YLPM1: variants seen among roughly 807,000 people sequenced by gnomAD.
YLPM1 encodes YLP motif containing 1, also known as YLP motif-containing protein 1.
A neutral mutation model predicts 230.0 loss-of-function variants in YLPM1; 99 were observed. The ratio of observed to expected loss-of-function variants is 0.43; its 90% CI spans 0.37 to 0.51. The LOEUF (loss-of-function observed/expected upper bound fraction) is 0.51. YLPM1 is among the 20% of genes least tolerant of loss of function. The pLI is 0.00. For synonymous variants in YLPM1, 984 were observed against 942.5 expected, an observed-to-expected ratio of 1.04 and a Z score of -0.81; for missense variants, 2,592 against 2,707.7, an observed-to-expected ratio of 0.96 and a Z score of 0.95.
At position 74,798,917 on chromosome 14, in the gene YLPM1, A is replaced by T. The variant is rs1387884317; in HGVS notation, c.3620A>T (p.Asp1207Val). The T allele has an allele frequency of 1.9e-5, 31 of 1,613,784 alleles. No individual in the cohort carries two copies. The highest frequency in any genetic ancestry group is 2.6e-5 in the Non-Finnish European group (31 of 1,179,862). ...EERGHEEFPL[D>V]GRNAPMERER... ...CGAGGGCATGAAGAGTTTCCATTAG[A>T]TGGTAGAAATGCTCCAATGGAACGA... Residue 1207 changes from aspartate to valine, a missense_variant, in exon 5 of 21, where the codon GAT (aspartate) becomes GTT (valine). Coordinates refer to ENST00000325680, the MANE Select transcript of YLPM1 (RefSeq NM_019589.3).
At chr14:74,774,944 A>T (rs1201339715) in intron 1 of YLPM1, among the ~76,000 whole-genome samples, 2 of 152,168 alleles carry the variant, frequency 1.3e-5, no homozygotes, top group East Asian at 3.8e-4. Context: ...GAATATTTTG[A>T]GCCTGGGAAA....
chr14:74,814,687 T>C (rs1248542738), intron 11 of YLPM1, among the ~76,000 whole-genome samples: 1 of 152,228 alleles, frequency 6.6e-6, no homozygotes, highest in Non-Finnish European at 1.5e-5. Flanking sequence ...TCCATATTCA[T>C]AGGAGATATT....
At position 74,812,647 on chromosome 14, in the gene YLPM1, T is replaced by C. The variant is rs1300566767; in HGVS notation, c.5367T>C (p.Pro1789=). 3 of 1,613,474 alleles carry C rather than the reference T, an allele frequency of 1.9e-6. No individual in the cohort carries two copies. In the African/African-American group the frequency reaches 4.0e-5, roughly 22 times the overall value. The change falls in exon 11 of 21, where the codon CCT becomes CCC. Residue 1789 remains proline (P), a synonymous_variant. Coordinates refer to ENST00000325680, the MANE Select transcript of YLPM1 (RefSeq NM_019589.3). The part of the protein sequence containing the change: ...SMFGGERRTY[P]EERMPLPAPS... ...TCCTAGGAGAACGAAGGACTTATCC[T>C]GAGGAGCGAATGCCTCTGCCAGCTC...
rs1222362104 is a variant in YLPM1, at chr14:74,836,561, G to A, written c.*823G>A. 6.6e-6 allele frequency: 1 copy of A among 152,204 alleles called. No homozygotes were observed. The highest frequency in any genetic ancestry group is 1.5e-5 in the Non-Finnish European group (1 of 67,988). The allele number at this position is 152,204 out of a possible 1,614,324, so 9.4% of individuals were successfully genotyped here. A position where few individuals can be genotyped will look rare whatever the true frequency, so the allele number is the denominator to read the frequency against. Reference sequence around the variant, plus strand: ...TTCACTTTCTGCCTTTATGCTGTTAGGTTTTTATTTTTTCCTGATCTGGCT... The same window carrying A: ...TTCACTTTCTGCCTTTATGCTGTTAAGTTTTTATTTTTTCCTGATCTGGCT... On this transcript the variant is annotated 3_prime_UTR_variant, in exon 21 of 21. Transcript: ENST00000325680.
chr14:74,780,117 C>T (rs1186366723), intron 2 of YLPM1, among the ~76,000 whole-genome samples: 1 of 152,020 alleles, frequency 6.6e-6, no homozygotes, highest in Non-Finnish European at 1.5e-5. Flanking sequence ...GACCACTTTC[C>T]ACTGGGAAAA....
chr14:74,801,345 T>TA (rs1359310335), intron 5 of YLPM1, among the ~76,000 whole-genome samples: 1 of 152,216 alleles, frequency 6.6e-6, no homozygotes, highest in Non-Finnish European at 1.5e-5. Flanking sequence ...ACTTGACCCT[T>TA]ACTTTGTGGT....
At chr14:74,774,608 G>A (rs889114474) in intron 1 of YLPM1, among the ~76,000 whole-genome samples, 2 of 152,150 alleles carry the variant, frequency 1.3e-5, no homozygotes, top group East Asian at 1.9e-4. Flanking sequence ...GGGTTTCACC[G>A]TGTTAGCCAG....
intron 1 of YLPM1, among the ~76,000 whole-genome samples, chr14:74,765,427 T>C (rs1364180615): frequency 6.6e-6 from 1 of 152,196 alleles, no homozygotes; most frequent in African/African-American, 2.4e-5. Context: ...AAGCAAGTTG[T>C]TTTAAGAAAT....
chr14:74,791,660 C>T (rs748652760), intron 4 of YLPM1, among the ~76,000 whole-genome samples: 1 of 152,158 alleles, frequency 6.6e-6, no homozygotes, highest in African/African-American at 2.4e-5. Context: ...CTTTGGTTAG[C>T]AAGACAAACA....
intron 7 of YLPM1, 29 bp downstream of exon 7, chr14:74,809,826 G>A (rs764215099): frequency 7.4e-6 from 12 of 1,611,124 alleles, no homozygotes; most frequent in Non-Finnish European, 1.0e-5. Context: ...CTTGTATTTG[G>A]GATTCTACAG....
chr14:74,794,309 G>A (rs1294333479), intron 4 of YLPM1, among the ~76,000 whole-genome samples: 2 of 152,068 alleles, frequency 1.3e-5, no homozygotes, highest in Non-Finnish European at 1.5e-5. Context: ...TCTGCCTTCC[G>A]AGTAGCTGGG....
intron 19 of YLPM1, 54 bp from the exon 20 acceptor site, chr14:74,835,211 C>T: frequency 6.3e-7 from 1 of 1,599,032 alleles, no homozygotes; most frequent in South Asian, 1.1e-5. Context: ...AGGGAGGGGG[C>T]TCTTTGCATA....
At chr14:74,815,180 A>G (rs141471325) in intron 11 of YLPM1, among the ~76,000 whole-genome samples, 82 of 152,322 alleles carry the variant, frequency 5.4e-4, no homozygotes, top group African/African-American at 1.9e-3. Context: ...GATTATAGGC[A>G]CATGCCACTG....
At chr14:74,819,160 G>A (rs2091501447) in intron 16 of YLPM1, among the ~76,000 whole-genome samples, 1 of 151,786 alleles carries the variant, frequency 6.6e-6, no homozygotes. Context: ...TCATTCACTG[G>A]TAATTCTTGC....
chr14:74,770,452 T>C (rs1594807249), intron 1 of YLPM1, among the ~76,000 whole-genome samples: 1 of 152,038 alleles, frequency 6.6e-6, no homozygotes, highest in Non-Finnish European at 1.5e-5. Context: ...GGTGAAATTC[T>C]GTCTCTACTA....
chr14:74,816,810 T>G, intron 13 of YLPM1, 120 bp downstream of exon 13: 1 of 1,442,000 alleles, frequency 6.9e-7, no homozygotes, highest in South Asian at 1.5e-5. Flanking sequence ...AACACAGTAC[T>G]TTAGTACTTG....
chr14:74,781,558 C>G lies in YLPM1; in HGVS notation c.1515C>G (p.Asn505Lys). 6.2e-7 allele frequency: 1 copy of G among 1,614,002 alleles called. No individual in the cohort carries two copies. The highest frequency in any genetic ancestry group is 8.5e-7 in the Non-Finnish European group (1 of 1,179,894). ...AGGAGAAAGTCAATTCATTTCAGAA[C>G]ATGAAGAACCAGTATATGGGGAACA... is the stretch of plus-strand genomic sequence containing the variant. ...YLQEKVNSFQ[N>K]MKNQYMGNMS... The change falls in exon 4 of 21, where the codon AAC (asparagine) becomes AAG (lysine). Residue 505 changes from asparagine (N) to lysine (K), a missense_variant. Asn to Lys is a moderately conservative substitution (Grantham distance 94, BLOSUM62 0). This residue lies in a region of YLPM1 where 1,862 missense variants were observed against 1,819.8 expected (regional missense o/e 1.02). Coordinates refer to ENST00000325680, the MANE Select transcript of YLPM1 (RefSeq NM_019589.3).
At chr14:74,764,677 T>G (rs1327103025) in intron 1 of YLPM1, among the ~76,000 whole-genome samples, 2 of 152,248 alleles carry the variant, frequency 1.3e-5, no homozygotes, top group East Asian at 3.8e-4. Flanking sequence ...ATAGATTTTG[T>G]TGCAGAGGGT....
At chr14:74,794,083 C>G (rs1370522554) in intron 4 of YLPM1, among the ~76,000 whole-genome samples, 1 of 152,190 alleles carries the variant, frequency 6.6e-6, no homozygotes, top group Non-Finnish European at 1.5e-5. Context: ...ATTACCTCCT[C>G]TCTCTGTTTA....
Sources: allele counts gnomAD v4.1 joint callset (sites outside exome capture counted in the v4.1 genomes callset), GRCh38; gene constraint gnomAD v4.1.1; regional missense constraint gnomAD v4.1.1; transcripts MANE v1.5; gene names NCBI Gene and HGNC (gene_info 2026-07-23, HGNC 2026-07-21).